Variants in MTFR1 observed in about 807,000 individuals in gnomAD.
MTFR1 encodes chondrocyte protein with a poly-proline region.
MTFR1 carries 28 observed loss-of-function variants against 38.8 expected under a neutral mutation model. The ratio of observed to expected loss-of-function variants is 0.72; its 90% CI spans 0.53 to 0.99. The LOEUF (loss-of-function observed/expected upper bound fraction) is 0.99. MTFR1 is among the 50% of genes least tolerant of loss of function. The pLI, the probability that MTFR1 is intolerant of heterozygous loss-of-function variation, is 0.00. For synonymous variants in MTFR1, 145 were observed against 137.0 expected (o/e 1.06, Z -0.41); for missense variants, 358 against 395.5 (o/e 0.91, Z 0.81).
At chr8:65,769,004 T>C (rs903118264) in intron 3 of MTFR1, among the ~76,000 whole-genome samples, 2 of 152,064 alleles carry the variant, frequency 1.3e-5, no homozygotes, top group African/African-American at 4.8e-5. Context: ...TCCCAGCACT[T>C]TGGAAGGCTG....
chr8:65,770,322 T>C (rs1809022851), intron 3 of MTFR1, among the ~76,000 whole-genome samples: 1 of 152,240 alleles, frequency 6.6e-6, no homozygotes, highest in South Asian at 2.1e-4. Flanking sequence ...CAGTTCCATG[T>C]GGCTGGGGAG....
At chr8:65,645,956 T>A (rs1187477216) in intron 1 of MTFR1, among the ~76,000 whole-genome samples, 1 of 152,182 alleles carries the variant, frequency 6.6e-6, no homozygotes, top group African/African-American at 2.4e-5. Flanking sequence ...TCAAGTAAAA[T>A]AAGGGACATA....
intron 3 of MTFR1, among the ~76,000 whole-genome samples, chr8:65,731,810 T>C (rs188877194): frequency 6.6e-6 from 1 of 152,214 alleles, no homozygotes; most frequent in East Asian, 1.9e-4. Context: ...GAAAACAAAT[T>C]TCTCACAAAA....
chr8:65,714,938 T>G (rs1806073438), downstream of MTFR1, among the ~76,000 whole-genome samples: 1 of 152,172 alleles, frequency 6.6e-6, no homozygotes, highest in Non-Finnish European at 1.5e-5. Flanking sequence ...AACCATCACA[T>G]TTACAGTGAG....
chr8:65,767,556 G>A (rs763234865), intron 3 of MTFR1, among the ~76,000 whole-genome samples: 1 of 152,038 alleles, frequency 6.6e-6, no homozygotes, highest in Non-Finnish European at 1.5e-5. Context: ...ATCTTCCCTG[G>A]CCTTTCTGAC....
chr8:65,739,097 C>G (rs560237524), intron 3 of MTFR1, among the ~76,000 whole-genome samples: 1 of 152,354 alleles, frequency 6.6e-6, no homozygotes, highest in African/African-American at 2.4e-5. Context: ...CCTGCCACTA[C>G]TGTTTGAACC....
chr8:65,705,421 A>G (rs984458935), intron 5 of MTFR1, among the ~76,000 whole-genome samples: 6 of 152,238 alleles, frequency 3.9e-5, no homozygotes, highest in African/African-American at 1.4e-4. Context: ...ATTTTGAACA[A>G]TCTTGGTGCT....
intron 3 of MTFR1, among the ~76,000 whole-genome samples, chr8:65,768,605 C>T (rs1296241327): frequency 2.0e-5 from 3 of 152,118 alleles, no homozygotes; most frequent in African/African-American, 4.8e-5. Context: ...TTATCAGCAG[C>T]GTAAAAACAG....
chr8:65,771,423 T>G (rs1809077635), downstream of MTFR1, among the ~76,000 whole-genome samples: 1 of 152,050 alleles, frequency 6.6e-6, no homozygotes, highest in African/African-American at 2.4e-5. Flanking sequence ...TAGAAGAAAT[T>G]AAAAAATTAT....
chr8:65,652,414 T>C (rs1288377319), intron 1 of MTFR1, among the ~76,000 whole-genome samples: 1 of 152,090 alleles, frequency 6.6e-6, no homozygotes, highest in African/African-American at 2.4e-5. Flanking sequence ...TTTTGTTTTT[T>C]TGTAGAGGTG....
intron 3 of MTFR1, among the ~76,000 whole-genome samples, chr8:65,745,090 T>C (rs1387049391): frequency 6.6e-6 from 1 of 152,236 alleles, no homozygotes; most frequent in African/African-American, 2.4e-5. Context: ...ATCTGATGAT[T>C]TCATAAGGGG....
intron 1 of MTFR1, among the ~76,000 whole-genome samples, chr8:65,663,477 C>T (rs1264747374): frequency 2.0e-5 from 3 of 150,124 alleles, no homozygotes; most frequent in Non-Finnish European, 4.4e-5. Context: ...CACTATTGTC[C>T]TGTGACCCTG....
intron 3 of MTFR1, among the ~76,000 whole-genome samples, chr8:65,751,931 G>A (rs1807988040): frequency 6.6e-6 from 1 of 152,190 alleles, no homozygotes; most frequent in Admixed American, 6.5e-5. Context: ...TCAGTGCATA[G>A]ACACCTTCCC....
chr8:65,700,365 AAG>A (rs1281172410), intron 4 of MTFR1, among the ~76,000 whole-genome samples: 18 of 150,586 alleles, frequency 1.2e-4, no homozygotes, highest in African/African-American at 3.2e-4. Flanking sequence ...AAAAAAAAAA[AAG>A]AAAAAAGAAA....
At chr8:65,777,261 T>TA in the MTFR1 span, among the ~76,000 whole-genome samples, 1 of 151,960 alleles carries the variant, frequency 6.6e-6, no homozygotes, top group East Asian at 1.9e-4. Context: ...GTATTTTTAG[T>TA]AGAGACGGGG....
intron 1 of MTFR1, among the ~76,000 whole-genome samples, chr8:65,667,357 T>TA (rs1804412958): frequency 6.6e-6 from 1 of 152,014 alleles, no homozygotes; most frequent in African/African-American, 2.4e-5. Flanking sequence ...TTTTTTTTTT[T>TA]ACAGCTTTTC....
chr8:65,664,613 T>G (rs568885153), intron 1 of MTFR1, among the ~76,000 whole-genome samples: 155 of 150,844 alleles, frequency 1.0e-3, no homozygotes, highest in Non-Finnish European at 1.8e-3. Context: ...TTCCTTTGTT[T>G]TTTTTTTTTT....
intron 4 of MTFR1, among the ~76,000 whole-genome samples, chr8:65,694,818 A>C (rs1456559332): frequency 6.6e-6 from 1 of 152,240 alleles, no homozygotes; most frequent in Non-Finnish European, 1.5e-5. Flanking sequence ...AGTGGGAGCC[A>C]AGTAAATGGA....
intron 2 of MTFR1, among the ~76,000 whole-genome samples, chr8:65,716,481 G>A (rs1409935383): frequency 6.6e-6 from 1 of 152,026 alleles, no homozygotes; most frequent in Non-Finnish European, 1.5e-5. Flanking sequence ...CACCTTCCAG[G>A]GGAAGAGGGT....
Sources: gnomAD v4.1 joint callset for allele counts (sites outside exome capture counted in the v4.1 genomes callset) on GRCh38, gnomAD v4.1.1 for gene constraint, MANE v1.5 for transcripts, NCBI Gene and HGNC (gene_info 2026-07-23, HGNC 2026-07-21) for gene names.